AUTS2: variants seen among roughly 807,000 people sequenced by gnomAD.
The protein encoded by AUTS2 is activator of transcription and developmental regulator AUTS2, also known as autism susceptibility gene 2 protein.
Under a neutral mutation model 112.4 loss-of-function variants are expected in AUTS2, and 17 were observed. That is an observed-to-expected ratio of 0.15 (90% CI 0.10 to 0.23). The LOEUF is 0.23. Ranked by LOEUF, AUTS2 falls within the 10% of genes least tolerant of loss-of-function variation. AUTS2 has a pLI of 1.00. For synonymous variants in AUTS2, 751 were observed against 702.7 expected, an observed-to-expected ratio of 1.07 and a Z score of -1.09; for missense variants, 1,510 against 1,701.6, an observed-to-expected ratio of 0.89 and a Z score of 1.98.
At chr7:69,983,797 A>G (rs1377548045) in intron 2 of AUTS2, among the ~76,000 whole-genome samples, 1 of 130,962 alleles carries the variant, frequency 7.6e-6, no homozygotes, top group Non-Finnish European at 1.6e-5. Context: ...TATGTGAAGT[A>G]ATTTTTGAAA....
intron 5 of AUTS2, among the ~76,000 whole-genome samples, chr7:70,541,766 G>A (rs188184660): frequency 8.8e-4 from 134 of 152,336 alleles, no homozygotes; most frequent in Admixed American, 7.6e-3. Context: ...CTGCAGAAGC[G>A]TAGAGGAAAG....
chr7:70,431,706 G>T (rs1480245248), intron 4 of AUTS2, among the ~76,000 whole-genome samples: 1 of 152,244 alleles, frequency 6.6e-6, no homozygotes, highest in Non-Finnish European at 1.5e-5. Flanking sequence ...TTTTCAAAAG[G>T]AGAAAGATTG....
At chr7:70,171,723 T>G (rs1808698581) in intron 4 of AUTS2, among the ~76,000 whole-genome samples, 1 of 152,226 alleles carries the variant, frequency 6.6e-6, no homozygotes, top group African/African-American at 2.4e-5. Context: ...TTTTCATTTG[T>G]TCCTTCCCCA....
chr7:69,617,342 A>G (rs529511444), intron 1 of AUTS2, among the ~76,000 whole-genome samples: 1 of 152,326 alleles, frequency 6.6e-6, no homozygotes, highest in South Asian at 2.1e-4. Context: ...GGTGGGTTAG[A>G]TAAGGCTCCT....
rs149411890 is a variant in AUTS2, at chr7:70,397,284, C to T, written c.661-38468C>T. On this transcript the variant is annotated intron_variant, in intron 4 of 18. Coordinates refer to ENST00000342771, the MANE Select transcript of AUTS2 (RefSeq NM_015570.4). ...TTCACCATGTTAGCCAGACTGGTCT[C>T]GAACTCCTGACCTCAGGTGATCCAC... Among the ~76,000 whole-genome samples, 693 of 152,086 alleles carry T rather than the reference C, an allele frequency of 4.6e-3. 6 individuals carry two copies. Among genetic ancestry groups the T allele is most frequent in the African/African-American group, 0.015 (635 of 41,462 alleles).
chr7:70,511,639 G>A (rs966332049), intron 5 of AUTS2, among the ~76,000 whole-genome samples: 10 of 122,278 alleles, frequency 8.2e-5, no homozygotes, highest in Non-Finnish European at 6.3e-5. Flanking sequence ...GCAGTGGCAC[G>A]ATCTGGGCTC....
At chr7:69,750,619 C>T (rs1787700235) in intron 1 of AUTS2, among the ~76,000 whole-genome samples, 1 of 151,872 alleles carries the variant, frequency 6.6e-6, no homozygotes. Flanking sequence ...ACTTAGCCTC[C>T]CAAGTAGCTA....
intron 2 of AUTS2, among the ~76,000 whole-genome samples, chr7:70,001,520 T>C (rs1799191642): frequency 1.3e-5 from 2 of 152,054 alleles, no homozygotes; most frequent in Admixed American, 1.3e-4. Flanking sequence ...GAATGCAGGA[T>C]TCATGAATTC....
At chr7:70,662,097 C>G (rs528470078) in intron 5 of AUTS2, among the ~76,000 whole-genome samples, 3 of 152,244 alleles carry the variant, frequency 2.0e-5, no homozygotes, top group Non-Finnish European at 4.4e-5. Context: ...GCTGTCGGCC[C>G]TTCCCACAGG....
At chr7:70,481,700 T>C (rs765915187) in intron 5 of AUTS2, among the ~76,000 whole-genome samples, 2 of 152,190 alleles carry the variant, frequency 1.3e-5, no homozygotes, top group Non-Finnish European at 2.9e-5. Context: ...TCTGCCATGA[T>C]TGTCTGGGCT....
At chr7:69,801,933 C>G (rs767971305) in intron 1 of AUTS2, among the ~76,000 whole-genome samples, 211 of 152,206 alleles carry the variant, frequency 1.4e-3, no homozygotes, top group Admixed American at 2.4e-3. Context: ...ATTTTAGATT[C>G]AGTGGCCAGG....
chr7:69,693,630 T>C (rs1358856564), intron 1 of AUTS2, among the ~76,000 whole-genome samples: 1 of 152,186 alleles, frequency 6.6e-6, no homozygotes. Context: ...ACTGGTAGTA[T>C]TGGAGGTAGA....
chr7:70,363,938 T>C (rs948775647), intron 4 of AUTS2, among the ~76,000 whole-genome samples: 2 of 152,222 alleles, frequency 1.3e-5, no homozygotes, highest in African/African-American at 4.8e-5. Context: ...TCCTGTTTCT[T>C]TTAGTAGATT....
At chr7:70,658,635 G>A (rs959510078) in intron 5 of AUTS2, among the ~76,000 whole-genome samples, 1 of 152,330 alleles carries the variant, frequency 6.6e-6, no homozygotes, top group Middle Eastern at 3.4e-3. Context: ...AACTGCCGGG[G>A]AGATGTCTTA....
intron 4 of AUTS2, among the ~76,000 whole-genome samples, chr7:70,210,912 T>C (rs1273135268): frequency 1.3e-5 from 2 of 152,208 alleles, no homozygotes; most frequent in South Asian, 2.1e-4. Context: ...GGGTTTCTTA[T>C]CTTTTACCTC....
At chr7:69,832,826 C>T (rs1191469187) in intron 1 of AUTS2, among the ~76,000 whole-genome samples, 2 of 152,114 alleles carry the variant, frequency 1.3e-5, no homozygotes, top group Non-Finnish European at 1.5e-5. Flanking sequence ...ACAACAAAAA[C>T]ATTAACTGTA....
At chr7:70,492,281 A>G (rs1303754166) in intron 5 of AUTS2, among the ~76,000 whole-genome samples, 1 of 152,148 alleles carries the variant, frequency 6.6e-6, no homozygotes, top group Non-Finnish European at 1.5e-5. Flanking sequence ...CCTTCCCCCA[A>G]ATAGCCATTG....
chr7:70,143,408 T>G (rs1490583190), intron 4 of AUTS2, among the ~76,000 whole-genome samples: 1 of 152,208 alleles, frequency 6.6e-6, no homozygotes, highest in Non-Finnish European at 1.5e-5. Flanking sequence ...TATAGCACAG[T>G]TGATAAACTG....
intron 4 of AUTS2, among the ~76,000 whole-genome samples, chr7:70,267,400 A>C (rs1189380317): frequency 1.3e-5 from 2 of 152,174 alleles, no homozygotes; most frequent in African/African-American, 4.8e-5. Context: ...GTCTGCATGG[A>C]CATTAGTCCC....
Sources: allele counts gnomAD v4.1 joint callset (sites outside exome capture counted in the v4.1 genomes callset), GRCh38; gene constraint gnomAD v4.1.1; transcripts MANE v1.5; gene names NCBI Gene and HGNC (gene_info 2026-07-23, HGNC 2026-07-21).